ZNF438: variants seen among roughly 807,000 people sequenced by gnomAD.
ZNF438 encodes zinc finger protein 438.
ZNF438 carries 25 observed loss-of-function variants against 38.0 expected under a neutral mutation model. That is an observed-to-expected ratio of 0.66 (90% confidence interval 0.48 to 0.92). The LOEUF is 0.92. ZNF438 is among the 40% of genes least tolerant of loss of function. The pLI is 0.00. For missense variants in ZNF438, 1,007 were observed against 999.6 expected, an observed-to-expected ratio of 1.01 and a Z score of -0.10; for synonymous variants, 372 against 364.1, an observed-to-expected ratio of 1.02 and a Z score of -0.25.
At chr10:31,012,067 GTC>G (rs2055754788) in intron 1 of ZNF438, among the ~76,000 whole-genome samples, 2 of 151,486 alleles carry the variant, frequency 1.3e-5, no homozygotes, top group African/African-American at 4.9e-5. Flanking sequence ...TAACACTCAT[GTC>G]TCTGCTCAGA....
At chr10:30,926,654 G>GAA (rs766575905) in intron 2 of ZNF438, among the ~76,000 whole-genome samples, 1 of 138,996 alleles carries the variant, frequency 7.2e-6, no homozygotes, top group Non-Finnish European at 1.6e-5. Flanking sequence ...CGACAGGGTG[G>GAA]AAAAAAAAAA....
At chr10:31,022,512 C>T (rs943522064) in intron 1 of ZNF438, among the ~76,000 whole-genome samples, 6 of 152,178 alleles carry the variant, frequency 3.9e-5, no homozygotes, top group Non-Finnish European at 8.8e-5. Context: ...CCACCCACCT[C>T]GGCCTCCCAA....
At chr10:30,984,147 C>T (rs763800545) in intron 1 of ZNF438, among the ~76,000 whole-genome samples, 1 of 152,016 alleles carries the variant, frequency 6.6e-6, no homozygotes. Context: ...AATTATTATA[C>T]AAATAAGCCT....
intron 4 of ZNF438, chr10:30,857,705 G>C (rs1025227605): frequency 6.6e-7 from 1 of 1,504,992 alleles, no homozygotes; most frequent in Non-Finnish European, 9.0e-7. Flanking sequence ...GAGAAATCCA[G>C]AAAGGCTGTT....
intron 3 of ZNF438, among the ~76,000 whole-genome samples, chr10:30,878,860 A>C (rs1048198266): frequency 6.6e-6 from 1 of 152,168 alleles, no homozygotes; most frequent in Non-Finnish European, 1.5e-5. Context: ...TGAGTGTGGC[A>C]GGCTGAGTAA....
At chr10:30,864,774 G>C (rs538389738) in intron 4 of ZNF438, among the ~76,000 whole-genome samples, 2 of 152,206 alleles carry the variant, frequency 1.3e-5, no homozygotes, top group Admixed American at 1.3e-4. Context: ...ATCTATGGTA[G>C]ATGTGTACAT....
intron 3 of ZNF438, among the ~76,000 whole-genome samples, chr10:30,898,114 G>GT (rs2041572881): frequency 6.6e-6 from 1 of 152,128 alleles, no homozygotes. Context: ...GCATATAATA[G>GT]TAACTGGATG....
intron 1 of ZNF438, among the ~76,000 whole-genome samples, chr10:31,024,401 C>T (rs1032693129): frequency 6.6e-6 from 1 of 152,058 alleles, no homozygotes; most frequent in African/African-American, 2.4e-5. Flanking sequence ...TGAAGGCGGG[C>T]GGATCACGAG....
At chr10:30,859,633 T>C (rs1207278949) in intron 4 of ZNF438, among the ~76,000 whole-genome samples, 1 of 152,284 alleles carries the variant, frequency 6.6e-6, no homozygotes, top group Middle Eastern at 3.4e-3. Flanking sequence ...TTAGGATCTA[T>C]GAAATGGGCA....
At chr10:30,851,203 C>T (rs2033565760) in intron 4 of ZNF438, among the ~76,000 whole-genome samples, 1 of 152,184 alleles carries the variant, frequency 6.6e-6, no homozygotes, top group Non-Finnish European at 1.5e-5. Context: ...TTCTAGGATA[C>T]TAATAGGAAC....
chr10:30,849,900 G>A, exon 5 of ZNF438: 1 of 1,614,176 alleles, frequency 6.2e-7, no homozygotes, highest in Non-Finnish European at 8.5e-7. Flanking sequence ...TTGTACAGGA[G>A]TTCAGGGTGG....
intron 4 of ZNF438, among the ~76,000 whole-genome samples, chr10:30,857,355 A>T (rs1296525842): frequency 6.6e-6 from 1 of 151,434 alleles, no homozygotes; most frequent in Non-Finnish European, 1.5e-5. Flanking sequence ...CCCAGGTTCA[A>T]GTGATTCTCC....
chr10:30,983,789 A>G (rs537208756), intron 1 of ZNF438, among the ~76,000 whole-genome samples: 1 of 152,270 alleles, frequency 6.6e-6, no homozygotes, highest in South Asian at 2.1e-4. Context: ...GAATCAATAA[A>G]CTGACTTTTG....
chr10:30,927,460 T>G (rs984932963), intron 2 of ZNF438, among the ~76,000 whole-genome samples: 2 of 152,004 alleles, frequency 1.3e-5, no homozygotes, highest in Non-Finnish European at 2.9e-5. Context: ...ACAAAGAAGT[T>G]CCTCCCAGAC....
At chr10:31,023,138 A>G (rs1466764723) in intron 1 of ZNF438, among the ~76,000 whole-genome samples, 4 of 152,234 alleles carry the variant, frequency 2.6e-5, no homozygotes, top group African/African-American at 9.6e-5. Context: ...GCCTTGTTCT[A>G]TAAAATATAT....
chr10:30,953,848 GAA>G (rs2048545536), intron 1 of ZNF438, among the ~76,000 whole-genome samples: 1 of 152,082 alleles, frequency 6.6e-6, no homozygotes, highest in African/African-American at 2.4e-5. Context: ...ACATGAAATA[GAA>G]AAGACAAAAT....
At chr10:30,894,725 GA>G (rs757061177) in intron 3 of ZNF438, among the ~76,000 whole-genome samples, 3 of 151,888 alleles carry the variant, frequency 2.0e-5, no homozygotes, top group Admixed American at 6.6e-5. Context: ...AGCATTTGAA[GA>G]AAAAAAATCA....
intron 4 of ZNF438, among the ~76,000 whole-genome samples, chr10:30,867,091 A>C (rs180790847): frequency 6.6e-6 from 1 of 152,322 alleles, no homozygotes; most frequent in Non-Finnish European, 1.5e-5. Flanking sequence ...TCCATCTGAC[A>C]AACTTTGGCA....
chr10:30,953,668 AC>A (rs1016794006), intron 1 of ZNF438, among the ~76,000 whole-genome samples: 19 of 98,640 alleles, frequency 1.9e-4, no homozygotes, highest in South Asian at 2.7e-4. Context: ...ACACACACAC[AC>A]AAAAAAAAAA....
Sources: allele counts gnomAD v4.1 joint callset (sites outside exome capture counted in the v4.1 genomes callset), GRCh38; gene constraint gnomAD v4.1.1; transcripts MANE v1.5; gene names NCBI Gene and HGNC (gene_info 2026-07-23, HGNC 2026-07-21).